The following ATXN10 variants were observed in gnomAD, a reference collection of about 807,000 sequenced individuals.
ATXN10 encodes ataxin 10.
A neutral mutation model predicts 52.9 loss-of-function variants in ATXN10; 28 were observed. That is an observed-to-expected ratio of 0.53 (90% CI 0.39 to 0.73). ATXN10 has a LOEUF of 0.73. Ranked by LOEUF, ATXN10 falls within the 30% of genes least tolerant of loss-of-function variation. ATXN10 has a pLI of 0.00. For synonymous variants in ATXN10, 226 were observed against 221.5 expected, an observed-to-expected ratio of 1.02 and a Z score of -0.18; for missense variants, 565 against 577.0, an observed-to-expected ratio of 0.98 and a Z score of 0.21.
At position 45,712,255 on chromosome 22, in the gene ATXN10, A is replaced by G. The variant is rs536399667; in HGVS notation, c.648-6158A>G. The stretch of plus-strand genomic sequence containing the variant: ...AGGTTTGGGCTCATTCTTGAAGGAA[A>G]AAGAATTCTTGTTATCCAAGGAAGG... On this transcript the variant is annotated intron_variant, in intron 5 of 11. Coordinates refer to ENST00000252934, the MANE Select transcript of ATXN10 (RefSeq NM_013236.4). The surrounding 1 kb of genome is among the most constrained non-coding windows in gnomAD (Gnocchi z 4.6). Among the ~76,000 whole-genome samples the G allele has an allele frequency of 6.6e-6, 1 of 152,310 alleles. No homozygotes were observed. The highest frequency in any genetic ancestry group is 1.5e-5 in the Non-Finnish European group (1 of 68,024).
rs3827398 is a variant in ATXN10 at position 45,807,045 on chromosome 22, A to G, written c.1237+23A>G. The G allele has an allele frequency of 0.11, 181,875 of 1,606,772 alleles. 11,272 individuals are homozygous for G. Among genetic ancestry groups the G allele is most frequent in the Middle Eastern group, 0.15 (928 of 6,052 alleles). Reference sequence around the variant, plus strand: ...CCTGTATCCTTGCATGTGAATTACCATGCACAAGTTTACAGCCGGGGCCCT... The same window carrying G: ...CCTGTATCCTTGCATGTGAATTACCGTGCACAAGTTTACAGCCGGGGCCCT... On this transcript the variant is annotated intron_variant, in intron 10 of 11. Transcript: ENST00000252934.
At chr22:45,702,343 T>C (rs936248332) in intron 4 of ATXN10, among the ~76,000 whole-genome samples, 2 of 152,238 alleles carry the variant, frequency 1.3e-5, no homozygotes, top group Non-Finnish European at 2.9e-5. Context: ...CCAGCAGTCA[T>C]TGAGGTATCA....
chr22:45,706,125 G>GTCT (rs1924033204), intron 5 of ATXN10, among the ~76,000 whole-genome samples: 1 of 152,122 alleles, frequency 6.6e-6, no homozygotes, highest in South Asian at 2.1e-4. Flanking sequence ...TGGAAAAATT[G>GTCT]TCTTTCATGA....
At chr22:45,704,427 A>G (rs1480593403) in intron 5 of ATXN10, among the ~76,000 whole-genome samples, 2 of 151,900 alleles carry the variant, frequency 1.3e-5, no homozygotes, top group South Asian at 2.1e-4. Flanking sequence ...GAGGATATTC[A>G]TTTATTTATT....
intron 1 of ATXN10, chr22:45,680,242 C>G (rs1041534087): frequency 1.3e-5 from 2 of 152,166 alleles, no homozygotes; most frequent in South Asian, 2.1e-4. Context: ...CTAATAGACA[C>G]AGTTTAAGTG....
Position 45,678,164 on chromosome 22 carries a change from A to G in ATXN10, c.116+5985A>G, listed in dbSNP as rs1279141063. 1 of 152,198 alleles carries G rather than the reference A, an allele frequency of 6.6e-6. No homozygotes were observed. The highest frequency in any genetic ancestry group is 1.5e-5 in the Non-Finnish European group (1 of 68,030). 9.4% of individuals were successfully genotyped at this position (152,198 alleles called of 1,614,324 possible). On this transcript the variant is annotated intron_variant, in intron 1 of 11. Coordinates refer to ENST00000252934, the MANE Select transcript of ATXN10 (RefSeq NM_013236.4). This position sits in a 1 kb window ranked among gnomAD's most constrained non-coding sequence, Gnocchi z 4.1. Reference sequence around the variant, plus strand: ...TTGGAAGTAGAGGTGATAGTTGTACAACATTGTGAATATAATTAAAGCCAT... The same window carrying G: ...TTGGAAGTAGAGGTGATAGTTGTACGACATTGTGAATATAATTAAAGCCAT...
rs1037996898 is a variant in ATXN10, at chr22:45,795,916, G to A, written c.1174-11043G>A. On this transcript the variant is annotated intron_variant, in intron 9 of 11. Coordinates refer to ENST00000252934, the MANE Select transcript of ATXN10 (RefSeq NM_013236.4). This position sits in a 1 kb window ranked among gnomAD's most constrained non-coding sequence, Gnocchi z 4.6. ...ATCACGTTATCTGCACAAATTGTTT[G>A]TAAAGCATGTGTGTTTGAACAATAT... Among the ~76,000 whole-genome samples the A allele has an allele frequency of 5.3e-5, 8 of 152,174 alleles. No individual in the cohort carries two copies. Among genetic ancestry groups the A allele is most frequent in the Non-Finnish European group, 1.2e-4 (8 of 68,026 alleles).
At position 45,833,858 on chromosome 22, in the gene ATXN10, G is replaced by A. The variant is rs1055795901; in HGVS notation, c.1238-9133G>A. On this transcript the variant is annotated intron_variant, in intron 10 of 11. Coordinates refer to ENST00000252934, the MANE Select transcript of ATXN10 (RefSeq NM_013236.4). The surrounding 1 kb of genome is among the most constrained non-coding windows in gnomAD (Gnocchi z 4.3). Reference sequence around the variant, plus strand: ...TGGTCGCGAGAGCACACTTAGCAGCGATACGGCATCGCGATCAGGGGAGCG... The same window carrying A: ...TGGTCGCGAGAGCACACTTAGCAGCAATACGGCATCGCGATCAGGGGAGCG... Among the ~76,000 whole-genome samples, 8 of 152,158 alleles carry A rather than the reference G, an allele frequency of 5.3e-5. No individual in the cohort carries two copies. Among genetic ancestry groups the A allele is most frequent in the African/African-American group, 1.7e-4 (7 of 41,422 alleles).
rs748780048 is a variant in ATXN10 at position 45,694,940 on chromosome 22, C to CAAAA, written c.391+1885_391+1888dup. On this transcript the variant is annotated intron_variant, in intron 3 of 11. Transcript: ENST00000252934. ...TGGGTGACAGAGCAAGACTCTGTCT[C>CAAAA]AAAAAAAAAAAAAAAAAAAAAAAAA... Among the ~76,000 whole-genome samples the CAAAA allele has an allele frequency of 9.4e-3, 205 of 21,880 alleles. 4 individuals carry two copies. The highest frequency in any genetic ancestry group is 0.028 in the African/African-American group (193 of 6,844). The allele number at this position is 21,880 out of a possible 152,430, so 14.4% of individuals were successfully genotyped here. A position where few individuals can be genotyped will look rare whatever the true frequency, so the allele number is the denominator to read the frequency against.
At chr22:45,743,994 T>G (rs1354194336) in intron 9 of ATXN10, among the ~76,000 whole-genome samples, 1 of 152,136 alleles carries the variant, frequency 6.6e-6, no homozygotes, top group Non-Finnish European at 1.5e-5. Context: ...CTGGTCAGTC[T>G]GCGTCTCCTA....
chr22:45,736,014 T>C (rs1320612213), intron 7 of ATXN10, among the ~76,000 whole-genome samples: 1 of 152,116 alleles, frequency 6.6e-6, no homozygotes, highest in Non-Finnish European at 1.5e-5. Context: ...ATGAGTAAAA[T>C]TGTGAATGTG....
chr22:45,680,066 T>C (rs1025200304), intron 1 of ATXN10: 1 of 152,180 alleles, frequency 6.6e-6, no homozygotes, highest in Non-Finnish European at 1.5e-5. Context: ...GCAATGACAC[T>C]CAAAAGCAAA....
At chr22:45,717,424 T>A (rs1207054500) in intron 5 of ATXN10, among the ~76,000 whole-genome samples, 6 of 152,220 alleles carry the variant, frequency 3.9e-5, no homozygotes, top group Non-Finnish European at 8.8e-5. Context: ...TCAATTTAGT[T>A]TGTGTATCCA....
rs533934234 is a variant in ATXN10 at position 45,715,705 on chromosome 22, C to A, written c.648-2708C>A. ...CCTTCACCTGAGTGATATTTATAGA[C>A]CTTCCCTTAGTACTTCCAAACTCCA... On this transcript the variant is annotated intron_variant, in intron 5 of 11. Transcript: ENST00000252934. This position sits in a 1 kb window ranked among gnomAD's most constrained non-coding sequence, Gnocchi z 4.4. 5.3e-5 allele frequency among the ~76,000 whole-genome samples: 8 copies of A among 152,300 alleles called. No homozygotes were observed. The highest frequency in any genetic ancestry group is 7.2e-5 in the African/African-American group (3 of 41,564).
intron 3 of ATXN10, among the ~76,000 whole-genome samples, chr22:45,693,321 C>A (rs971926737): frequency 1.3e-5 from 2 of 152,152 alleles, no homozygotes; most frequent in African/African-American, 4.8e-5. Flanking sequence ...AACAAAATGC[C>A]TTAGGCTGGG....
intron 4 of ATXN10, among the ~76,000 whole-genome samples, 158 bp downstream of exon 4, chr22:45,700,536 C>A (rs1923802334): frequency 6.6e-6 from 1 of 151,866 alleles, no homozygotes; most frequent in South Asian, 2.1e-4. Context: ...GGAGAGGGCA[C>A]TAGGGAAACA....
At chr22:45,741,005 A>G (rs1027684544) in intron 9 of ATXN10, among the ~76,000 whole-genome samples, 3 of 151,866 alleles carry the variant, frequency 2.0e-5, no homozygotes, top group Non-Finnish European at 4.4e-5. Flanking sequence ...GCTTTTAGAA[A>G]CCTCTTATGT....
rs747063252 is a variant in ATXN10 at position 45,700,357 on chromosome 22, A to T, written c.467A>T (p.His156Leu). ...GATTCCCAGTCTATTGTTTGGGTGC[A>T]TGCTTTCCCAGAACTGTTTTTGTGA... ...NEDSQSIVWV[H>L]AFPELFLSCL... Residue 156 changes from histidine (H) to leucine (L), a missense_variant, in exon 4 of 12, where the codon CAT becomes CTT. Physicochemically the swap from His to Leu is moderately conservative, Grantham distance 99 (BLOSUM62 -3). Transcript: ENST00000252934. 1 of 1,613,890 alleles carries T rather than the reference A, an allele frequency of 6.2e-7. No homozygotes were observed.
chr22:45,693,676 A>G (rs761890123), intron 3 of ATXN10, among the ~76,000 whole-genome samples: 1 of 152,154 alleles, frequency 6.6e-6, no homozygotes, highest in Admixed American at 6.5e-5. Context: ...AACCCCCAAT[A>G]CCCAGAATGT....
Sources: allele counts gnomAD v4.1 joint callset (sites outside exome capture counted in the v4.1 genomes callset), GRCh38; gene constraint gnomAD v4.1.1; non-coding constraint Gnocchi (gnomAD v3.1); transcripts MANE v1.5; gene names NCBI Gene and HGNC (gene_info 2026-07-23, HGNC 2026-07-21).